The following MAST4 variants were observed in gnomAD, a reference collection of about 807,000 sequenced individuals.
MAST4 encodes the protein microtubule-associated serine/threonine-protein kinase 4.
MAST4 carries 89 observed loss-of-function variants against 162.7 expected under a neutral mutation model. That is an observed-to-expected ratio of 0.55 (90% CI 0.46 to 0.65). The LOEUF (loss-of-function observed/expected upper bound fraction) is 0.65, where lower values mean the gene tolerates loss of function less well. Ranked by LOEUF, MAST4 falls within the 30% of genes least tolerant of loss-of-function variation. The pLI is 0.00. For missense variants in MAST4, 3,153 were observed against 3,374.0 expected, an observed-to-expected ratio of 0.93 and a Z score of 1.62; for synonymous variants, 1,479 against 1,361.1, an observed-to-expected ratio of 1.09 and a Z score of -1.91.
intron 3 of MAST4, among the ~76,000 whole-genome samples, chr5:66,817,137 A>C (rs1467904101): frequency 6.6e-6 from 1 of 152,138 alleles, no homozygotes; most frequent in Admixed American, 6.5e-5. Context: ...CCATGACTGC[A>C]TTCTGGTGGG....
At chr5:66,750,459 C>T (rs928931634) in intron 1 of MAST4, among the ~76,000 whole-genome samples, 1 of 152,242 alleles carries the variant, frequency 6.6e-6, no homozygotes, top group African/African-American at 2.4e-5. Context: ...CGAGCCGAAG[C>T]AGGGCGAGGC....
chr5:67,015,228 G>T (rs1435571185), intron 4 of MAST4, among the ~76,000 whole-genome samples: 2 of 152,148 alleles, frequency 1.3e-5, no homozygotes, highest in Non-Finnish European at 2.9e-5. Context: ...TATTGTTCCA[G>T]AAAGATTATA....
intron 5 of MAST4, among the ~76,000 whole-genome samples, chr5:67,071,944 A>G (rs1761050974): frequency 6.6e-6 from 1 of 152,238 alleles, no homozygotes; most frequent in African/African-American, 2.4e-5. Context: ...AAGATCAGAG[A>G]CAAGGGTGAC....
At chr5:66,739,976 G>A (rs1752393736) in intron 1 of MAST4, among the ~76,000 whole-genome samples, 1 of 151,926 alleles carries the variant, frequency 6.6e-6, no homozygotes, top group Non-Finnish European at 1.5e-5. Context: ...TATGTTTAGG[G>A]CTATACCGGG....
At position 67,165,837 on chromosome 5, in the gene MAST4, G is replaced by A; in HGVS notation, c.6658G>A (p.Gly2220Arg). Reference sequence around the variant, plus strand: ...CCTCTCCTCTCAGAAACCAAGTGTCGGGGCCACAAAGGGCAAAGAGCCTGC... The same window carrying A: ...CCTCTCCTCTCAGAAACCAAGTGTCAGGGCCACAAAGGGCAAAGAGCCTGC... ...RSLSSQKPSV[G>R]ATKGKEPATQ... The change falls in exon 29 of 29, where the codon GGG (glycine) becomes AGG (arginine). Residue 2220 changes from glycine (G) to arginine (R), a missense_variant. By Grantham distance (125) the Gly-to-Arg change is moderately radical. This residue lies in a region of MAST4 where 1,644 missense variants were observed against 1,495.0 expected (regional missense o/e 1.10). Transcript: ENST00000403625. The A allele has an allele frequency of 1.2e-6, 2 of 1,612,984 alleles. No homozygotes were observed. Among genetic ancestry groups the A allele is most frequent in the Non-Finnish European group, 1.7e-6 (2 of 1,179,850 alleles).
At chr5:66,893,404 T>C (rs1762485943) in intron 3 of MAST4, among the ~76,000 whole-genome samples, 1 of 151,930 alleles carries the variant, frequency 6.6e-6, no homozygotes, top group South Asian at 2.1e-4. Context: ...GTGTGTCTTT[T>C]TTTTGGTAGA....
intron 4 of MAST4, among the ~76,000 whole-genome samples, chr5:66,984,816 T>C (rs550375197): frequency 2.0e-5 from 3 of 152,058 alleles, no homozygotes; most frequent in Admixed American, 6.6e-5. Context: ...TCCTAGATTG[T>C]CCACTGGATG....
intron 2 of MAST4, among the ~76,000 whole-genome samples, chr5:66,771,862 C>A (rs968640900): frequency 2.0e-5 from 3 of 151,478 alleles, no homozygotes; most frequent in Non-Finnish European, 4.4e-5. Context: ...TTTAGTACTT[C>A]CCTGAAACTC....
chr5:66,713,502 A>C (rs1243085956), intron 1 of MAST4, among the ~76,000 whole-genome samples: 1 of 152,196 alleles, frequency 6.6e-6, no homozygotes, highest in African/African-American at 2.4e-5. Flanking sequence ...AGACATGAAT[A>C]TATTACTCAA....
At chr5:66,891,144 C>G (rs138530256) in intron 3 of MAST4, among the ~76,000 whole-genome samples, 300 of 152,298 alleles carry the variant, frequency 2.0e-3, no homozygotes, top group Non-Finnish European at 3.2e-3. Flanking sequence ...TCTTTTCATC[C>G]ACTTTCAGAT....
chr5:66,872,492 A>T (rs1761012662), intron 3 of MAST4, among the ~76,000 whole-genome samples: 1 of 152,084 alleles, frequency 6.6e-6, no homozygotes, highest in Non-Finnish European at 1.5e-5. Flanking sequence ...TAATCCATAA[A>T]TATATTACAT....
At chr5:66,667,155 A>G (rs1747313399) in intron 1 of MAST4, among the ~76,000 whole-genome samples, 1 of 152,172 alleles carries the variant, frequency 6.6e-6, no homozygotes, top group Non-Finnish European at 1.5e-5. Context: ...ATAATTATGA[A>G]TAGCCCCTTT....
At chr5:67,123,823 A>T (rs756617725) in intron 14 of MAST4, among the ~76,000 whole-genome samples, 32 of 152,294 alleles carry the variant, frequency 2.1e-4, no homozygotes, top group Middle Eastern at 6.8e-3. Context: ...CTTGATGCAC[A>T]TGATTCTCTT....
intron 1 of MAST4, among the ~76,000 whole-genome samples, chr5:66,695,031 C>CT (rs1749308965): frequency 1.3e-5 from 2 of 152,108 alleles, no homozygotes; most frequent in East Asian, 3.9e-4. Context: ...AATTAGGTCC[C>CT]TTTTTTCCAT....
chr5:66,800,220 A>C (rs1477125950), intron 3 of MAST4, among the ~76,000 whole-genome samples: 1 of 152,178 alleles, frequency 6.6e-6, no homozygotes, highest in Non-Finnish European at 1.5e-5. Flanking sequence ...GTTATGGGGG[A>C]AGGATAATAT....
At chr5:66,901,929 T>C (rs1184784808) in intron 4 of MAST4, among the ~76,000 whole-genome samples, 1 of 152,084 alleles carries the variant, frequency 6.6e-6, no homozygotes, top group Non-Finnish European at 1.5e-5. Context: ...AAAGGGAAAA[T>C]ACTTTTTAAA....
At chr5:66,751,421 A>G (rs1257803636) in intron 1 of MAST4, among the ~76,000 whole-genome samples, 1 of 152,204 alleles carries the variant, frequency 6.6e-6, no homozygotes, top group Non-Finnish European at 1.5e-5. Context: ...ATGTATAACT[A>G]GAATAACCAA....
At chr5:66,697,647 C>G (rs1375437108) in intron 1 of MAST4, among the ~76,000 whole-genome samples, 1 of 152,216 alleles carries the variant, frequency 6.6e-6, no homozygotes, top group African/African-American at 2.4e-5. Flanking sequence ...TTAAGCTGGA[C>G]ACCCAAGAGA....
intron 3 of MAST4, among the ~76,000 whole-genome samples, chr5:66,796,299 C>T (rs1048824281): frequency 1.3e-5 from 2 of 152,170 alleles, no homozygotes; most frequent in South Asian, 2.1e-4. Flanking sequence ...GGTCTAAGAA[C>T]GAGTGAAGAA....
Sources: allele counts gnomAD v4.1 joint callset (sites outside exome capture counted in the v4.1 genomes callset), GRCh38; gene constraint gnomAD v4.1.1; regional missense constraint gnomAD v4.1.1; transcripts MANE v1.5; gene names NCBI Gene and HGNC (gene_info 2026-07-23, HGNC 2026-07-21).